MID2: variants seen among roughly 807,000 people sequenced by gnomAD.
The protein encoded by MID2 is probable E3 ubiquitin-protein ligase MID2.
MID2 carries 13 observed loss-of-function variants against 46.1 expected under a neutral mutation model. The ratio of observed to expected loss-of-function variants is 0.28; its 90% confidence interval spans 0.18 to 0.45. MID2 has a LOEUF of 0.45. MID2 is among the 20% of genes least tolerant of loss of function. MID2 has a pLI of 1.00. For missense variants in MID2, 431 were observed against 575.4 expected (o/e 0.75, Z 2.57); for synonymous variants, 199 against 212.3 (o/e 0.94, Z 0.55).
chrX:107,886,730 C>T (rs1388199574), intron 3 of MID2, among the ~76,000 whole-genome samples: 1 of 111,457 alleles, frequency 9.0e-6, no homozygotes, highest in East Asian at 2.8e-4. Context: ...GCCATTTTCA[C>T]GATATTGATT....
intron 4 of MID2, 69 bp from the exon 5 acceptor site, chrX:107,905,409 G>T: frequency 1.1e-6 from 1 of 911,569 alleles, no homozygotes; most frequent in Non-Finnish European, 1.5e-6. Flanking sequence ...CCTTCATGTT[G>T]TTTTTTATTG....
chrX:107,888,082 G>T (rs1210539217), intron 3 of MID2, among the ~76,000 whole-genome samples: 1 of 111,611 alleles, frequency 9.0e-6, no homozygotes, highest in East Asian at 2.8e-4. Context: ...CCAGCTCCTG[G>T]ATTCATTGAT....
At chrX:107,867,995 G>A (rs533474328) in intron 3 of MID2, among the ~76,000 whole-genome samples, 2 of 111,641 alleles carry the variant, frequency 1.8e-5, no homozygotes, top group East Asian at 5.6e-4. Context: ...TATAATTAAG[G>A]CAAATGGAGA....
At position 107,826,530 on chromosome X, in the gene MID2, C is replaced by T. The variant is rs771194278; in HGVS notation, c.4+100C>T. ...CCGCTTTTCAGGTGCCGCCGGGGCC[C>T]GGCGTTGGCCGAGGGCTCTCCGGCT... On this transcript the variant is annotated intron_variant, in intron 1 of 9. Coordinates refer to ENST00000262843, the MANE Select transcript of MID2 (RefSeq NM_012216.4). The T allele has an allele frequency of 1.4e-5, 14 of 984,440 alleles. No individual in the cohort carries two copies. In the South Asian group the frequency reaches 3.6e-4, roughly 25 times the overall value. The allele number at this position is 984,440 out of a possible 1,213,427, so 81.1% of individuals were successfully genotyped here.
At chrX:107,891,080 C>T (rs1384192394) in intron 3 of MID2, among the ~76,000 whole-genome samples, 3 of 109,962 alleles carry the variant, frequency 2.7e-5, no homozygotes, top group African/African-American at 9.9e-5. Flanking sequence ...GGCGATGCCT[C>T]ACCCTGCTTC....
In MID2 at chrX:107,841,042, A is replaced by G; in HGVS notation, c.377A>G (p.Tyr126Cys). ...SPSESRRERT[Y>C]RPTTAMSSER... ...AGTGAGAGCCGCCGGGAAAGGACTT[A>G]CAGGCCCACCACTGCCATGTCTAGC... Residue 126 changes from tyrosine to cysteine, a missense_variant, in exon 2 of 10, where the codon TAC (tyrosine) becomes TGC (cysteine). Coordinates refer to ENST00000262843, the MANE Select transcript of MID2 (RefSeq NM_012216.4). 6.6e-6 allele frequency: 8 copies of G among 1,211,599 alleles called. No individual in the cohort carries two copies. Among genetic ancestry groups the G allele is most frequent in the Non-Finnish European group, 8.9e-6 (8 of 895,452 alleles).
At chrX:107,850,322 C>G (rs1490521460) in intron 2 of MID2, among the ~76,000 whole-genome samples, 1 of 111,082 alleles carries the variant, frequency 9.0e-6, no homozygotes, top group Non-Finnish European at 1.9e-5. Flanking sequence ...CTAAATGACT[C>G]GTCAGTGCTA....
Position 107,927,174 on chromosome X carries a change from G to A in MID2, c.*101G>A. The A allele has an allele frequency of 4.1e-6, 3 of 735,384 alleles. No individual in the cohort carries two copies. Among genetic ancestry groups the A allele is most frequent in the African/African-American group, 2.1e-5 (1 of 47,017 alleles). 60.6% of individuals were successfully genotyped at this position (735,384 alleles called of 1,213,427 possible). A position where few individuals can be genotyped will look rare whatever the true frequency, so the allele number is the denominator to read the frequency against. ...ATATACGAGACACAAAATAAAGTTT[G>A]TTTGAAGCATCCAAAATAACTAGAT... On this transcript the variant is annotated 3_prime_UTR_variant, in exon 10 of 10. Coordinates refer to ENST00000262843, the MANE Select transcript of MID2 (RefSeq NM_012216.4).
At chrX:107,842,312 C>T (rs1182459279) in intron 2 of MID2, among the ~76,000 whole-genome samples, 2 of 112,181 alleles carry the variant, frequency 1.8e-5, no homozygotes, top group Admixed American at 9.4e-5. Context: ...GATGATCCAG[C>T]GAATTGTTTT....
At chrX:107,873,195 C>T (rs984189284) in intron 3 of MID2, among the ~76,000 whole-genome samples, 14 of 108,572 alleles carry the variant, frequency 1.3e-4, no homozygotes, top group African/African-American at 3.4e-4. Flanking sequence ...AGACTTTCTC[C>T]GTCTGACAAG....
At chrX:107,870,626 G>A (rs901355470) in intron 3 of MID2, among the ~76,000 whole-genome samples, 2 of 110,987 alleles carry the variant, frequency 1.8e-5, no homozygotes, top group Non-Finnish European at 3.8e-5. Context: ...ATGGTGTGCT[G>A]GTGCTGACTT....
At chrX:107,908,164 C>T (rs1242141989) in intron 5 of MID2, among the ~76,000 whole-genome samples, 1 of 112,219 alleles carries the variant, frequency 8.9e-6, no homozygotes, top group Non-Finnish European at 1.9e-5. Flanking sequence ...CATGACCTTA[C>T]ATTTCTAAAT....
At chrX:107,921,678 A>G (rs1055407356) in intron 7 of MID2, among the ~76,000 whole-genome samples, 2 of 111,370 alleles carry the variant, frequency 1.8e-5, no homozygotes, top group Admixed American at 1.9e-4. Flanking sequence ...CCATTTGTTT[A>G]TATATCAGTA....
At chrX:107,842,969 C>T (rs758124601) in intron 2 of MID2, among the ~76,000 whole-genome samples, 1 of 111,926 alleles carries the variant, frequency 8.9e-6, no homozygotes, top group South Asian at 3.7e-4. Context: ...GTACTGTAGC[C>T]GGCTGCCACT....
At position 107,825,956 on chromosome X, in the gene MID2, G is replaced by A. The variant is rs1930929791; in HGVS notation, c.-471G>A. ...GCGGGGGCGGCGGAAGGTGAGCCTG[G>A]GAAGGTGGCCGAGCACCCCTTCTTC... On this transcript the variant is annotated 5_prime_UTR_variant, in exon 1 of 10. Transcript: ENST00000262843. 3.8e-6 allele frequency: 1 copy of A among 263,556 alleles called. No homozygotes were observed. Among genetic ancestry groups the A allele is most frequent in the South Asian group, 2.5e-4 (1 of 3,969 alleles). 21.7% of individuals were successfully genotyped at this position (263,556 alleles called of 1,213,427 possible).
At chrX:107,850,391 C>T (rs1931586227) in intron 2 of MID2, among the ~76,000 whole-genome samples, 1 of 111,455 alleles carries the variant, frequency 9.0e-6, no homozygotes, top group African/African-American at 3.3e-5. Flanking sequence ...TCTCTGTTTC[C>T]CTTTGCATAT....
intron 7 of MID2, among the ~76,000 whole-genome samples, chrX:107,919,395 A>G (rs1207925763): frequency 1.8e-5 from 2 of 111,584 alleles, no homozygotes; most frequent in Non-Finnish European, 3.8e-5. Flanking sequence ...TCAGACTTCA[A>G]GTTTAATGCT....
chrX:107,885,153 G>A (rs747082606), intron 3 of MID2, among the ~76,000 whole-genome samples: 5 of 108,340 alleles, frequency 4.6e-5, no homozygotes, highest in African/African-American at 1.4e-4. Context: ...TTAAGTTTTA[G>A]GGTACATGTG....
Position 107,912,379 on chromosome X carries a change from A to G in MID2, c.1074-3623A>G, listed in dbSNP as rs186817148. Reference sequence around the variant, plus strand: ...AAATGTTTTGTCCCACTACCACACCATTGAAAGTATTCTTTTCAAGGTCAT... The same window carrying G: ...AAATGTTTTGTCCCACTACCACACCGTTGAAAGTATTCTTTTCAAGGTCAT... On this transcript the variant is annotated intron_variant, in intron 5 of 9. Coordinates refer to ENST00000262843, the MANE Select transcript of MID2 (RefSeq NM_012216.4). Among the ~76,000 whole-genome samples the G allele has an allele frequency of 1.2e-4, 13 of 112,160 alleles. No homozygotes were observed. In the East Asian group the frequency reaches 2.0e-3, roughly 17 times the overall value.
Sources: allele counts gnomAD v4.1 joint callset (sites outside exome capture counted in the v4.1 genomes callset), GRCh38; gene constraint gnomAD v4.1.1; transcripts MANE v1.5; gene names NCBI Gene and HGNC (gene_info 2026-07-23, HGNC 2026-07-21).